Variants in SPIRE1 observed in about 807,000 individuals in gnomAD.
The protein encoded by SPIRE1 is protein spire homolog 1.
SPIRE1 carries 40 observed loss-of-function variants against 94.1 expected under a neutral mutation model. The ratio of observed to expected loss-of-function variants is 0.43; its 90% CI spans 0.33 to 0.55. SPIRE1 has a LOEUF of 0.55. Among genes scored for constraint, SPIRE1 ranks in the 20% least tolerant of loss-of-function variants. The pLI is 0.06. For missense variants in SPIRE1, 838 were observed against 975.2 expected, an observed-to-expected ratio of 0.86 and a Z score of 1.87; for synonymous variants, 376 against 371.7, an observed-to-expected ratio of 1.01 and a Z score of -0.13.
chr18:12,489,512 T>C (rs1455780756), intron 8 of SPIRE1, among the ~76,000 whole-genome samples: 1 of 152,116 alleles, frequency 6.6e-6, no homozygotes, highest in East Asian at 1.9e-4. Context: ...AATCTCTATA[T>C]CAAAAAGAGG....
At chr18:12,645,999 C>A (rs1256684141) in intron 1 of SPIRE1, among the ~76,000 whole-genome samples, 1 of 152,200 alleles carries the variant, frequency 6.6e-6, no homozygotes, top group Admixed American at 6.5e-5. Flanking sequence ...CCTGAAGCAT[C>A]CTGTTGAGAA....
At position 12,559,361 on chromosome 18, in the gene SPIRE1, G is replaced by A. The variant is rs138256227; in HGVS notation, c.373-12457C>T. ...TAAGCCTCTCATTGCCCGGGCCGGC[G>A]TCGCCAGCCGGCAGCTCTGAGTGCT... is the stretch of plus-strand genomic sequence containing the variant. On this transcript the variant is annotated intron_variant, in intron 2 of 16. Coordinates refer to ENST00000409402, the MANE Select transcript of SPIRE1 (RefSeq NM_001128626.2). This position sits in a 1 kb window ranked among gnomAD's most constrained non-coding sequence, Gnocchi z 4.7. 1.8e-3 allele frequency among the ~76,000 whole-genome samples: 280 copies of A among 152,284 alleles called. 1 individual carries two copies. Among genetic ancestry groups the A allele is most frequent in the African/African-American group, 6.4e-3 (267 of 41,570 alleles).
chr18:12,640,232 T>C (rs1181092176), intron 1 of SPIRE1, among the ~76,000 whole-genome samples: 1 of 152,170 alleles, frequency 6.6e-6, no homozygotes, highest in African/African-American at 2.4e-5. Flanking sequence ...AAACTATACC[T>C]ACCAAAAAAA....
intron 6 of SPIRE1, among the ~76,000 whole-genome samples, chr18:12,499,877 TAA>T (rs2033596785): frequency 6.6e-6 from 1 of 152,102 alleles, no homozygotes; most frequent in African/African-American, 2.4e-5. Flanking sequence ...CCAGAATATA[TAA>T]AGAACTCTTG....
intron 2 of SPIRE1, among the ~76,000 whole-genome samples, chr18:12,632,127 G>A (rs1598561111): frequency 6.6e-6 from 1 of 151,938 alleles, no homozygotes. Context: ...TCCATGGTAC[G>A]CTCTTAAGAG....
chr18:12,651,409 G>A (rs1239897178), intron 1 of SPIRE1, among the ~76,000 whole-genome samples: 1 of 152,058 alleles, frequency 6.6e-6, no homozygotes, highest in South Asian at 2.1e-4. Flanking sequence ...GGGTGCGGTG[G>A]CTCACGCCTG....
intron 1 of SPIRE1, among the ~76,000 whole-genome samples, chr18:12,656,189 G>A (rs1302449010): frequency 6.6e-6 from 1 of 152,114 alleles, no homozygotes; most frequent in Non-Finnish European, 1.5e-5. Flanking sequence ...TTGAGCCACC[G>A]CACCTGGCAG....
chr18:12,550,059 A>G (rs1325817390), intron 2 of SPIRE1, among the ~76,000 whole-genome samples: 3 of 152,066 alleles, frequency 2.0e-5, no homozygotes, highest in Non-Finnish European at 4.4e-5. Flanking sequence ...CCCACTTTCA[A>G]ATGTACAAAC....
intron 2 of SPIRE1, among the ~76,000 whole-genome samples, chr18:12,619,056 G>A (rs545560681): frequency 3.9e-5 from 6 of 151,910 alleles, no homozygotes; most frequent in Admixed American, 2.0e-4. Flanking sequence ...GGCTAATTTT[G>A]TATTTTTAGT....
At chr18:12,634,961 C>T in intron 2 of SPIRE1, 101 bp downstream of exon 2, 1 of 605,292 alleles carries the variant, frequency 1.7e-6, no homozygotes, top group Non-Finnish European at 2.8e-6. Flanking sequence ...GAAATCTTAT[C>T]AGAAGACCAA....
At chr18:12,463,083 G>A (rs1049831711) in intron 12 of SPIRE1, among the ~76,000 whole-genome samples, 1 of 151,192 alleles carries the variant, frequency 6.6e-6, no homozygotes, top group Admixed American at 6.6e-5. Flanking sequence ...ATTTTTTTTT[G>A]CAGAGACGGG....
chr18:12,530,103 T>G (rs2144161229), intron 4 of SPIRE1, among the ~76,000 whole-genome samples: 1 of 152,314 alleles, frequency 6.6e-6, no homozygotes, highest in African/African-American at 2.4e-5. Flanking sequence ...TTTTGATTAA[T>G]TTATCTACAG....
At chr18:12,602,426 G>A (rs1325218237) in intron 2 of SPIRE1, among the ~76,000 whole-genome samples, 2 of 152,146 alleles carry the variant, frequency 1.3e-5, no homozygotes, top group South Asian at 2.1e-4. Flanking sequence ...GGCTTAGTGA[G>A]TAGCCAGCAA....
chr18:12,523,126 C>T (rs1293983354), intron 4 of SPIRE1, among the ~76,000 whole-genome samples: 1 of 152,116 alleles, frequency 6.6e-6, no homozygotes, highest in East Asian at 1.9e-4. Flanking sequence ...GCAACATCAA[C>T]AGGAGTTTGA....
At chr18:12,478,265 G>A (rs1317931056) in intron 10 of SPIRE1, among the ~76,000 whole-genome samples, 1 of 152,034 alleles carries the variant, frequency 6.6e-6, no homozygotes, top group East Asian at 1.9e-4. Context: ...GCAGGTGTGT[G>A]TATGTGCATG....
intron 2 of SPIRE1, among the ~76,000 whole-genome samples, chr18:12,627,568 T>C (rs947040412): frequency 6.6e-6 from 1 of 152,226 alleles, no homozygotes; most frequent in African/African-American, 2.4e-5. Context: ...CCTTTAGGTA[T>C]ATACCCAGTA....
chr18:12,496,062 T>C lies in SPIRE1; in HGVS notation c.1013A>G (p.His338Arg), dbSNP rs1383808082. The stretch of plus-strand genomic sequence containing the variant: ...TCTGATGAAGTCGAGGATGATTTCA[T>C]GAGCACTCTTTTTTAACCGAGGGGG... ...DIPPRLKKSA[H>R]EIILDFIRSR... Residue 338 changes from histidine to arginine, a missense_variant, in exon 7 of 17, where the codon CAT becomes CGT. This residue lies in a region of SPIRE1 where 645 missense variants were observed against 804.7 expected (regional missense o/e 0.80). Transcript: ENST00000409402. 2 of 1,613,840 alleles carry C rather than the reference T, an allele frequency of 1.2e-6. No homozygotes were observed. Among genetic ancestry groups the C allele is most frequent in the Non-Finnish European group, 8.5e-7 (1 of 1,179,870 alleles).
chr18:12,493,247 T>C (rs1567887880), intron 7 of SPIRE1, 46 bp from the exon 8 acceptor site: 1 of 1,566,694 alleles, frequency 6.4e-7, no homozygotes, highest in East Asian at 2.2e-5. Flanking sequence ...ATTAAGTAAT[T>C]TTTACTGAAG....
intron 2 of SPIRE1, among the ~76,000 whole-genome samples, chr18:12,579,825 G>C (rs1360613558): frequency 6.6e-6 from 1 of 152,124 alleles, no homozygotes; most frequent in Admixed American, 6.5e-5. Context: ...AAATACCACT[G>C]TACTTCACTC....
Sources: gnomAD v4.1 joint callset for allele counts (sites outside exome capture counted in the v4.1 genomes callset) on GRCh38, gnomAD v4.1.1 for gene constraint, gnomAD v4.1.1 regional missense constraint, Gnocchi (gnomAD v3.1) non-coding constraint, MANE v1.5 for transcripts, NCBI Gene and HGNC (gene_info 2026-07-23, HGNC 2026-07-21) for gene names.